Variants in NALF1 observed in about 807,000 individuals in gnomAD.
NALF1 encodes family with sequence similarity 155 member A.
In NALF1, 3 loss-of-function variants were observed where a neutral mutation model predicts 48.4. That is an observed-to-expected ratio of 0.06 (90% CI 0.03 to 0.16). NALF1 has a LOEUF of 0.16. Ranked by LOEUF, NALF1 falls within the 10% of genes least tolerant of loss-of-function variation. NALF1 has a pLI of 1.00. For synonymous variants in NALF1, 262 were observed against 245.7 expected, an observed-to-expected ratio of 1.07 and a Z score of -0.62; for missense variants, 526 against 571.5, an observed-to-expected ratio of 0.92 and a Z score of 0.81.
chr13:107,757,342 A>G (rs1346800170), intron 1 of NALF1, among the ~76,000 whole-genome samples: 1 of 151,972 alleles, frequency 6.6e-6, no homozygotes, highest in African/African-American at 2.4e-5. Context: ...TTGGAGAAAC[A>G]GCAATTTTGG....
intron 1 of NALF1, among the ~76,000 whole-genome samples, chr13:107,791,991 C>T (rs1878256676): frequency 6.6e-6 from 1 of 152,042 alleles, no homozygotes; most frequent in Non-Finnish European, 1.5e-5. Context: ...TACAAATTTG[C>T]TATGTTTTAA....
At chr13:107,584,511 A>AT (rs34602850) in intron 1 of NALF1, among the ~76,000 whole-genome samples, 4 of 152,194 alleles carry the variant, frequency 2.6e-5, no homozygotes, top group Non-Finnish European at 5.9e-5. Flanking sequence ...AGTGATTAAT[A>AT]TGTTAAAGAT....
rs1269746094 is a variant in NALF1, at chr13:107,716,067, C to T, written c.915+149615G>A. Among the ~76,000 whole-genome samples the T allele has an allele frequency of 2.6e-5, 4 of 152,264 alleles. No homozygotes were observed. The South Asian group carries it at 6.2e-4, about 24-fold the overall frequency. On this transcript the variant is annotated intron_variant, in intron 1 of 2. Coordinates refer to ENST00000375915, the MANE Select transcript of NALF1 (RefSeq NM_001080396.3). ...GGTGTTAAACTTAGGGTGTCCATCT[C>T]AGGCAGTAATTCAAACCCATTTATG...
intron 1 of NALF1, among the ~76,000 whole-genome samples, chr13:107,650,864 C>T (rs1249896798): frequency 6.6e-6 from 1 of 151,440 alleles, no homozygotes; most frequent in Non-Finnish European, 1.5e-5. Context: ...TAAGTGGGGG[C>T]TAAATGATAA....
At chr13:107,520,700 G>A (rs541837202) in intron 1 of NALF1, among the ~76,000 whole-genome samples, 11 of 152,234 alleles carry the variant, frequency 7.2e-5, no homozygotes, top group African/African-American at 1.9e-4. Context: ...ACTGGTGGAC[G>A]AACTCTTCCC....
chr13:107,467,875 CA>C (rs994476232), intron 1 of NALF1, among the ~76,000 whole-genome samples: 2 of 151,718 alleles, frequency 1.3e-5, no homozygotes, highest in African/African-American at 2.4e-5. Flanking sequence ...CCCATCTCTA[CA>C]AAAAAATAAA....
Position 107,340,524 on chromosome 13 carries a change from C to CT in NALF1, c.916-129770dup, listed in dbSNP as rs199696880. On this transcript the variant is annotated intron_variant, in intron 1 of 2. Transcript: ENST00000375915. ...TTCTTTCTTTTCTTTCTTTCTCTCT[C>CT]TTTTTTTTTTTAATATCAAGCTAGA... Among the ~76,000 whole-genome samples the CT allele has an allele frequency of 5.8e-3, 837 of 144,084 alleles. 10 individuals are homozygous for CT. The highest frequency in any genetic ancestry group is 0.017 in the African/African-American group (678 of 39,222). 94.5% of individuals were successfully genotyped at this position (144,084 alleles called of 152,430 possible).
chr13:107,265,667 A>C (rs915055507), intron 1 of NALF1, among the ~76,000 whole-genome samples: 9 of 151,782 alleles, frequency 5.9e-5, no homozygotes, highest in African/African-American at 2.2e-4. Context: ...TGGCCTCCCA[A>C]AGTGCTGGGA....
chr13:107,395,840 T>G (rs1328631589), intron 1 of NALF1, among the ~76,000 whole-genome samples: 1 of 152,078 alleles, frequency 6.6e-6, no homozygotes, highest in Non-Finnish European at 1.5e-5. Context: ...AACCTCCTTT[T>G]TGTAAATAAG....
intron 2 of NALF1, among the ~76,000 whole-genome samples, chr13:107,189,179 T>C (rs1466677223): frequency 1.3e-5 from 2 of 152,182 alleles, no homozygotes; most frequent in Non-Finnish European, 2.9e-5. Flanking sequence ...AAGCAGACAA[T>C]TTCCTCAAGC....
At chr13:107,652,067 A>C (rs903037529) in intron 1 of NALF1, among the ~76,000 whole-genome samples, 6 of 152,216 alleles carry the variant, frequency 3.9e-5, no homozygotes, top group Admixed American at 1.3e-4. Flanking sequence ...GAAAATACTT[A>C]TGATGCAGAA....
At position 107,218,592 on chromosome 13, in the gene NALF1, G is replaced by A. The variant is rs114496189; in HGVS notation, c.916-7837C>T. 5.7e-3 allele frequency among the ~76,000 whole-genome samples: 853 copies of A among 150,728 alleles called. 14 individuals are homozygous for A. The highest frequency in any genetic ancestry group is 0.02 in the African/African-American group (828 of 40,908). On this transcript the variant is annotated intron_variant, in intron 1 of 2. Coordinates refer to ENST00000375915, the MANE Select transcript of NALF1 (RefSeq NM_001080396.3). ...TTTTCATATGACCAACCCAGTGGCCGTTATTGAAGGCCGAAAACAAAAACA... is the reference window on the plus strand; with the variant it reads ...TTTTCATATGACCAACCCAGTGGCCATTATTGAAGGCCGAAAACAAAAACA...
intron 1 of NALF1, among the ~76,000 whole-genome samples, chr13:107,758,753 C>T (rs1355646358): frequency 2.0e-5 from 3 of 151,932 alleles, no homozygotes; most frequent in South Asian, 2.1e-4. Context: ...AAGAAAAGCA[C>T]GTATAATTGC....
intron 1 of NALF1, among the ~76,000 whole-genome samples, chr13:107,520,804 G>A (rs16970523): frequency 0.075 from 11,367 of 152,060 alleles, 889 homozygotes; most frequent in African/African-American, 0.2. Context: ...ATGCTTCCCC[G>A]CATATTTTTC....
intron 1 of NALF1, among the ~76,000 whole-genome samples, chr13:107,327,948 T>C (rs1882395992): frequency 6.6e-6 from 1 of 151,842 alleles, no homozygotes; most frequent in Admixed American, 6.6e-5. Context: ...TAAGACAGGA[T>C]ATCACTGTGT....
chr13:107,718,678 G>A (rs1029162811), intron 1 of NALF1, among the ~76,000 whole-genome samples: 1 of 152,190 alleles, frequency 6.6e-6, no homozygotes, highest in African/African-American at 2.4e-5. Flanking sequence ...CCAGTGTGAT[G>A]TAGATCCAAC....
chr13:107,504,909 G>C (rs1262835372), intron 1 of NALF1, among the ~76,000 whole-genome samples: 1 of 152,190 alleles, frequency 6.6e-6, no homozygotes, highest in Non-Finnish European at 1.5e-5. Flanking sequence ...AATGCCTACT[G>C]TATACCAAGC....
chr13:107,195,593 GCTAGCAT>G (rs914409961), intron 2 of NALF1, among the ~76,000 whole-genome samples: 1 of 152,180 alleles, frequency 6.6e-6, no homozygotes, highest in African/African-American at 2.4e-5. Context: ...AAGCCTGCAG[GCTAGCAT>G]CTGTTTAATT....
chr13:107,264,097 A>G (rs1220481373), intron 1 of NALF1, among the ~76,000 whole-genome samples: 1 of 152,176 alleles, frequency 6.6e-6, no homozygotes, highest in Non-Finnish European at 1.5e-5. Flanking sequence ...TCCATTCGTG[A>G]TATTCAAATC....
Sources: allele counts gnomAD v4.1 joint callset (sites outside exome capture counted in the v4.1 genomes callset), GRCh38; gene constraint gnomAD v4.1.1; transcripts MANE v1.5; gene names NCBI Gene and HGNC (gene_info 2026-07-23, HGNC 2026-07-21).